Variants in CERT1 observed in about 807,000 individuals in gnomAD.
The protein encoded by CERT1 is ceramide transporter 1.
A neutral mutation model predicts 87.9 loss-of-function variants in CERT1; 31 were observed. The ratio of observed to expected loss-of-function variants is 0.35; its 90% CI spans 0.27 to 0.48. CERT1 has a LOEUF of 0.48. Ranked by LOEUF, CERT1 falls within the 20% of genes least tolerant of loss-of-function variation. CERT1 has a pLI of 0.99. For missense variants in CERT1, 487 were observed against 758.0 expected, an observed-to-expected ratio of 0.64 and a Z score of 4.20; for synonymous variants, 289 against 250.9, an observed-to-expected ratio of 1.15 and a Z score of -1.44.
intron 9 of CERT1, chr5:75,401,769 T>TAG (rs1762498665): frequency 6.6e-6 from 1 of 152,220 alleles, no homozygotes; most frequent in Non-Finnish European, 1.5e-5. Flanking sequence ...GATTTACCCT[T>TAG]AGGTAGACCA....
At chr5:75,446,729 GTCT>G (rs1289049282) in intron 3 of CERT1, among the ~76,000 whole-genome samples, 1 of 152,138 alleles carries the variant, frequency 6.6e-6, no homozygotes, top group African/African-American at 2.4e-5. Context: ...GAAAGGTAAG[GTCT>G]TCTTCGGATT....
chr5:75,388,619 T>TATATATATATATATATAC, intron 12 of CERT1, among the ~76,000 whole-genome samples: 1 of 102,666 alleles, frequency 9.7e-6, no homozygotes, highest in Non-Finnish European at 2.1e-5. Flanking sequence ...TATATATATA[T>TATATATATATATATATAC]ATATATATAT....
chr5:75,478,561 CAGA>C (rs1220163336), intron 2 of CERT1, among the ~76,000 whole-genome samples: 1 of 152,000 alleles, frequency 6.6e-6, no homozygotes, highest in African/African-American at 2.4e-5. Flanking sequence ...AAGCTATAAA[CAGA>C]AGAACTGATT....
intron 2 of CERT1, among the ~76,000 whole-genome samples, chr5:75,486,859 CAT>C (rs1766548177): frequency 6.6e-6 from 1 of 152,096 alleles, no homozygotes; most frequent in African/African-American, 2.4e-5. Flanking sequence ...AAAGATATCA[CAT>C]ATTCATGGAC....
intron 3 of CERT1, among the ~76,000 whole-genome samples, chr5:75,431,327 TC>T (rs1334316129): frequency 4.6e-5 from 7 of 152,190 alleles, no homozygotes; most frequent in Admixed American, 1.3e-4. Flanking sequence ...GGTTTTCTGT[TC>T]CTGTGTTAAT....
At chr5:75,432,950 A>G (rs1763936113) in intron 3 of CERT1, among the ~76,000 whole-genome samples, 2 of 152,378 alleles carry the variant, frequency 1.3e-5, no homozygotes, top group South Asian at 4.1e-4. Flanking sequence ...TGTATTAAAT[A>G]GGGAGCCTTT....
chr5:75,374,343 AAATT>A (rs1488172459), downstream of CERT1: 15 of 504,478 alleles, frequency 3.0e-5, no homozygotes, highest in South Asian at 2.4e-4. Flanking sequence ...TATGAATGCA[AAATT>A]ATTAACCTTA....
downstream of CERT1, chr5:75,374,133 C>A (rs1761188899): frequency 1.0e-5 from 4 of 397,302 alleles, no homozygotes; most frequent in Admixed American, 1.8e-4. Flanking sequence ...TTAGAGCATT[C>A]AGCTTTTTTT....
In CERT1 at chr5:75,378,509, C is replaced by T. The variant is rs887703824; in HGVS notation, c.*837G>A. The T allele has an allele frequency of 2.6e-5, 4 of 152,152 alleles. No individual in the cohort carries two copies. The highest frequency in any genetic ancestry group is 2.6e-4 in the Admixed American group (4 of 15,282). 9.4% of individuals were successfully genotyped at this position (152,152 alleles called of 1,614,324 possible). A position where few individuals can be genotyped will look rare whatever the true frequency, so the allele number is the denominator to read the frequency against. The stretch of plus-strand genomic sequence containing the variant: ...GTTGACAGTAAAAATATGGAACCAA[C>T]TCAGACATTAACATGGGACTAGTTA... On this transcript the variant is annotated 3_prime_UTR_variant, in exon 17 of 17. Coordinates refer to ENST00000643780, the MANE Select transcript of CERT1 (RefSeq NM_001379029.1).
At chr5:75,385,843 T>G (rs924466199) in intron 13 of CERT1, 59 bp downstream of exon 13, 1 of 1,256,946 alleles carries the variant, frequency 8.0e-7, no homozygotes, top group Non-Finnish European at 1.0e-6. Flanking sequence ...GAAAACTAGG[T>G]TGGATTTGAT....
chr5:75,476,382 A>G (rs976879578), intron 2 of CERT1, among the ~76,000 whole-genome samples: 4 of 152,152 alleles, frequency 2.6e-5, no homozygotes, highest in African/African-American at 9.6e-5. Context: ...ATATAACGGA[A>G]TGATTAAAAG....
chr5:75,498,513 T>C lies in CERT1; in HGVS notation c.231+7469A>G, dbSNP rs142308350. 1.1e-3 allele frequency among the ~76,000 whole-genome samples: 163 copies of C among 152,288 alleles called. 1 individual carries two copies. In the East Asian group the frequency reaches 0.027, roughly 25 times the overall value. On this transcript the variant is annotated intron_variant, in intron 2 of 16. Coordinates refer to ENST00000643780, the MANE Select transcript of CERT1 (RefSeq NM_001379029.1). ...CAGCTGCTTCAGCTCCAGCTGTGGC[T>C]AAAAGGGGTCAAGGCCACTCTGAGG...
At chr5:75,443,445 T>C (rs1468416001) in intron 3 of CERT1, among the ~76,000 whole-genome samples, 1 of 152,212 alleles carries the variant, frequency 6.6e-6, no homozygotes, top group Non-Finnish European at 1.5e-5. Flanking sequence ...TTTTCTTTGA[T>C]CCACTAGTTG....
At chr5:75,408,493 G>GA (rs955844475) in intron 8 of CERT1, among the ~76,000 whole-genome samples, 1 of 152,022 alleles carries the variant, frequency 6.6e-6, no homozygotes, top group Non-Finnish European at 1.5e-5. Context: ...ATAGCAGCCC[G>GA]AACCTCAGTT....
At position 75,511,564 on chromosome 5, in the gene CERT1, C is replaced by T. The variant is rs182817088; in HGVS notation, c.-357G>A. 3,182 of 1,456,328 alleles carry T rather than the reference C, an allele frequency of 2.2e-3. 6 individuals carry two copies. Among genetic ancestry groups the T allele is most frequent in the Non-Finnish European group, 2.5e-3 (2,787 of 1,106,700 alleles). 90.2% of individuals were successfully genotyped at this position (1,456,328 alleles called of 1,614,324 possible). ...GAAAAGAAGGGAAGAGAAAATCCGG[C>T]CGCTGAGTCCCGCGTCCACTCACAC... On this transcript the variant is annotated 5_prime_UTR_variant, in exon 1 of 17. Coordinates refer to ENST00000643780, the MANE Select transcript of CERT1 (RefSeq NM_001379029.1).
chr5:75,471,486 C>T (rs117320541), intron 2 of CERT1, among the ~76,000 whole-genome samples: 12 of 152,022 alleles, frequency 7.9e-5, no homozygotes, highest in Admixed American at 3.9e-4. Flanking sequence ...GCTGGGCAGA[C>T]GTGGTGGCTC....
intron 5 of CERT1, among the ~76,000 whole-genome samples, chr5:75,423,273 T>C (rs998039031): frequency 8.5e-5 from 13 of 152,220 alleles, no homozygotes; most frequent in Non-Finnish European, 1.8e-4. Flanking sequence ...TCATATTCTA[T>C]ATGTATCCTG....
chr5:75,505,580 A>G (rs978043743), intron 2 of CERT1: 1 of 152,584 alleles, frequency 6.6e-6, no homozygotes, highest in Non-Finnish European at 1.5e-5. Context: ...AGATGGCATT[A>G]GCTCAATGTT....
chr5:75,444,462 T>G (rs1226524166), intron 3 of CERT1, among the ~76,000 whole-genome samples: 3 of 152,162 alleles, frequency 2.0e-5, no homozygotes, highest in Non-Finnish European at 2.9e-5. Context: ...TTTGCTATTT[T>G]CTATGTGCCT....
Sources: allele counts gnomAD v4.1 joint callset (sites outside exome capture counted in the v4.1 genomes callset), GRCh38; gene constraint gnomAD v4.1.1; transcripts MANE v1.5; gene names NCBI Gene and HGNC (gene_info 2026-07-23, HGNC 2026-07-21).